Variants in GNA12 observed in about 807,000 individuals in gnomAD.
GNA12 encodes the protein G protein subunit alpha 12.
GNA12 carries 9 observed loss-of-function variants against 26.0 expected under a neutral mutation model. The ratio of observed to expected loss-of-function variants is 0.35; its 90% CI spans 0.21 to 0.60. GNA12 has a LOEUF of 0.60. Among genes scored for constraint, GNA12 ranks in the 20% least tolerant of loss-of-function variants. GNA12 has a pLI of 0.78. For synonymous variants in GNA12, 264 were observed against 219.6 expected (o/e 1.20, Z -1.79); for missense variants, 405 against 525.8 (o/e 0.77, Z 2.25).
At chr7:2,821,007 C>A (rs1241815223) in intron 1 of GNA12, among the ~76,000 whole-genome samples, 1 of 152,168 alleles carries the variant, frequency 6.6e-6, no homozygotes, top group Admixed American at 6.5e-5. Flanking sequence ...CCCAAAGTGC[C>A]AGGATTACAG....
intron 1 of GNA12, among the ~76,000 whole-genome samples, chr7:2,810,453 C>T (rs1793053984): frequency 6.6e-6 from 1 of 152,172 alleles, no homozygotes; most frequent in South Asian, 2.1e-4. Flanking sequence ...GACCATAGCA[C>T]TGCAAATGAG....
At chr7:2,743,694 G>T (rs928096414) in intron 2 of GNA12, among the ~76,000 whole-genome samples, 1 of 152,132 alleles carries the variant, frequency 6.6e-6, no homozygotes, top group Non-Finnish European at 1.5e-5. Context: ...TGGGCGCAGC[G>T]CACTGTGCGC....
chr7:2,807,856 G>A (rs1284074920), intron 1 of GNA12, among the ~76,000 whole-genome samples: 2 of 152,186 alleles, frequency 1.3e-5, no homozygotes, highest in African/African-American at 4.8e-5. Flanking sequence ...TTCAAATTAA[G>A]GGGCCAACCT....
intron 2 of GNA12, among the ~76,000 whole-genome samples, chr7:2,754,088 G>C (rs570189269): frequency 1.8e-4 from 28 of 152,258 alleles, no homozygotes; most frequent in African/African-American, 6.7e-4. Flanking sequence ...CTCCCCACCA[G>C]TGATGAATGA....
chr7:2,819,040 G>A (rs758230930), intron 1 of GNA12, among the ~76,000 whole-genome samples: 9 of 152,140 alleles, frequency 5.9e-5, no homozygotes, highest in Admixed American at 2.0e-4. Context: ...AAAATAGGGC[G>A]ATTATTCTGG....
chr7:2,735,202 C>T (rs1456863879), intron 2 of GNA12, among the ~76,000 whole-genome samples: 1 of 152,208 alleles, frequency 6.6e-6, no homozygotes, highest in Non-Finnish European at 1.5e-5. Context: ...TCGGGAGGTG[C>T]CACGCAAGCC....
intron 2 of GNA12, among the ~76,000 whole-genome samples, chr7:2,755,590 G>C (rs1480029943): frequency 2.0e-5 from 3 of 152,142 alleles, no homozygotes; most frequent in East Asian, 1.9e-4. Flanking sequence ...TTTGTATATG[G>C]ATCTTGTATC....
chr7:2,819,123 C>G (rs2115493364), intron 1 of GNA12, among the ~76,000 whole-genome samples: 1 of 152,256 alleles, frequency 6.6e-6, no homozygotes, highest in Admixed American at 6.5e-5. Context: ...CTGGCAGGTT[C>G]CTTGTGAGCC....
intron 2 of GNA12, among the ~76,000 whole-genome samples, chr7:2,766,783 C>T (rs1216540948): frequency 6.6e-6 from 1 of 152,170 alleles, no homozygotes; most frequent in Non-Finnish European, 1.5e-5. Context: ...ATAAATACCC[C>T]GAGGAGGCAC....
At chr7:2,813,625 G>A (rs1793138625) in intron 1 of GNA12, among the ~76,000 whole-genome samples, 2 of 152,232 alleles carry the variant, frequency 1.3e-5, no homozygotes, top group African/African-American at 4.8e-5. Context: ...ACCAATCTGT[G>A]AAGGAAATGA....
intron 2 of GNA12, among the ~76,000 whole-genome samples, chr7:2,737,289 G>GTTTTTTTTTT (rs11389467): frequency 1.6e-4 from 10 of 62,274 alleles, no homozygotes; most frequent in East Asian, 4.3e-4. Flanking sequence ...TTTTTTTTTT[G>GTTTTTTTTTT]TTTTTTTTTT....
intron 2 of GNA12, among the ~76,000 whole-genome samples, chr7:2,734,560 G>A (rs76705798): frequency 0.019 from 2,867 of 152,324 alleles, 91 homozygotes; most frequent in African/African-American, 0.064. Flanking sequence ...GAAGCTCGTG[G>A]CGTTGTAAGG....
chr7:2,772,897 T>G (rs960377988), intron 2 of GNA12, among the ~76,000 whole-genome samples: 1 of 152,152 alleles, frequency 6.6e-6, no homozygotes, highest in Admixed American at 6.5e-5. Flanking sequence ...ACCATGTCTG[T>G]GAACAGGAGA....
rs138824803 is a variant in GNA12, at chr7:2,752,764, G to A, written c.526-19263C>T. On this transcript the variant is annotated intron_variant, in intron 2 of 3. Transcript: ENST00000275364. ...TTTTCATCTTGAAATAATTATAGAT[G>A]CATAGGAAGTTGCAAAGATTGCCTA... Among the ~76,000 whole-genome samples, 13 of 152,228 alleles carry A rather than the reference G, an allele frequency of 8.5e-5. No homozygotes were observed. The East Asian group carries it at 1.9e-3, about 23-fold the overall frequency.
intron 2 of GNA12, among the ~76,000 whole-genome samples, chr7:2,750,261 T>A (rs1790967414): frequency 6.6e-6 from 1 of 152,098 alleles, no homozygotes. Context: ...AGAGCTGAGA[T>A]CACAGGACAC....
At chr7:2,807,587 A>G (rs1014744918) in intron 1 of GNA12, among the ~76,000 whole-genome samples, 21 of 149,638 alleles carry the variant, frequency 1.4e-4, no homozygotes, top group African/African-American at 2.2e-4. Flanking sequence ...ATAAGAGAGA[A>G]AAAAAAAAAA....
At chr7:2,756,850 A>T (rs999997052) in intron 2 of GNA12, among the ~76,000 whole-genome samples, 1 of 152,048 alleles carries the variant, frequency 6.6e-6, no homozygotes, top group Non-Finnish European at 1.5e-5. Context: ...AGGTGGGAGG[A>T]TCCCTTGAGC....
chr7:2,810,505 T>A (rs1436303752), intron 1 of GNA12, among the ~76,000 whole-genome samples: 1 of 152,148 alleles, frequency 6.6e-6, no homozygotes, highest in Non-Finnish European at 1.5e-5. Context: ...ACAAAAACCA[T>A]GCTACAGCCT....
chr7:2,759,256 T>C (rs564890520), intron 2 of GNA12, among the ~76,000 whole-genome samples: 8 of 152,130 alleles, frequency 5.3e-5, no homozygotes, highest in African/African-American at 1.7e-4. Context: ...CATAAAATGG[T>C]TATACTGTCC....
Sources: allele counts gnomAD v4.1 joint callset (sites outside exome capture counted in the v4.1 genomes callset), GRCh38; gene constraint gnomAD v4.1.1; transcripts MANE v1.5; gene names NCBI Gene and HGNC (gene_info 2026-07-23, HGNC 2026-07-21).